CNTLN: variants seen among roughly 807,000 people sequenced by gnomAD.
CNTLN encodes the protein centlein.
A neutral mutation model predicts 180.0 loss-of-function variants in CNTLN; 212 were observed. The ratio of observed to expected loss-of-function variants is 1.18; its 90% CI spans 1.05 to 1.32. The LOEUF (loss-of-function observed/expected upper bound fraction) is 1.32, where lower values mean the gene tolerates loss of function less well. Ranked by LOEUF, CNTLN falls within the 40% of genes most tolerant of loss-of-function variation. CNTLN has a pLI of 0.00. For synonymous variants in CNTLN, 722 were observed against 563.1 expected (o/e 1.28, Z -3.99); for missense variants, 2,095 against 1,610.9 (o/e 1.30, Z -5.14).
chr9:17,408,791 ACT>A (rs1416930011), intron 15 of CNTLN, among the ~76,000 whole-genome samples: 1 of 106,594 alleles, frequency 9.4e-6, no homozygotes, highest in Non-Finnish European at 2.0e-5. Context: ...ACAGAGCGAG[ACT>A]CTGTCTTAAA....
chr9:17,151,360 G>A (rs74736775), intron 2 of CNTLN, among the ~76,000 whole-genome samples: 4 of 152,126 alleles, frequency 2.6e-5, no homozygotes, highest in African/African-American at 9.7e-5. Flanking sequence ...GCATGAATAG[G>A]TGTTGAATTT....
chr9:17,509,379 A>G, the CNTLN span, among the ~76,000 whole-genome samples: 2 of 152,198 alleles, frequency 1.3e-5, no homozygotes, highest in Non-Finnish European at 2.9e-5. Context: ...CCTTATTTGC[A>G]CAAAATGCTT....
chr9:17,194,015 A>C (rs1406256586), intron 2 of CNTLN, among the ~76,000 whole-genome samples: 1 of 151,960 alleles, frequency 6.6e-6, no homozygotes, highest in African/African-American at 2.4e-5. Flanking sequence ...CTTTACGTTG[A>C]CTCCTTTCAG....
intron 14 of CNTLN, among the ~76,000 whole-genome samples, chr9:17,391,485 G>A (rs1167074980): frequency 1.3e-5 from 2 of 152,224 alleles, no homozygotes; most frequent in Non-Finnish European, 2.9e-5. Flanking sequence ...TTCAATTTAA[G>A]GTACTTGGCA....
rs115220893 is a variant in CNTLN, at chr9:17,492,304, C to T, written c.4119+5238C>T. 3.1e-3 allele frequency among the ~76,000 whole-genome samples: 475 copies of T among 150,872 alleles called. 4 individuals are homozygous for T. The highest frequency in any genetic ancestry group is 0.011 in the African/African-American group (458 of 40,868). The stretch of plus-strand genomic sequence containing the variant: ...TTCTTTCTTATTTTATTGTTTTCTT[C>T]GTGTAGTTTTACCTCCTCTAATATA... On this transcript the variant is annotated intron_variant, in intron 25 of 25. Coordinates refer to ENST00000380647, the MANE Select transcript of CNTLN (RefSeq NM_017738.4).
chr9:17,347,968 G>A (rs1211824888), intron 12 of CNTLN, among the ~76,000 whole-genome samples: 2 of 151,868 alleles, frequency 1.3e-5, no homozygotes, highest in Non-Finnish European at 2.9e-5. Flanking sequence ...AGTAGCTGGG[G>A]CTATAGATGC....
intron 18 of CNTLN, among the ~76,000 whole-genome samples, chr9:17,443,380 G>GA (rs147425703): frequency 0.02 from 3,118 of 152,118 alleles, 105 homozygotes; most frequent in African/African-American, 0.071. Flanking sequence ...CAATTTAAAA[G>GA]AAAAATATTG....
At chr9:17,208,427 T>G (rs113677945) in intron 2 of CNTLN, among the ~76,000 whole-genome samples, 5 of 152,268 alleles carry the variant, frequency 3.3e-5, no homozygotes, top group African/African-American at 9.6e-5. Flanking sequence ...TGGCCAGTGG[T>G]TTCCTTTATT....
At chr9:17,368,876 C>T (rs561225256) in intron 13 of CNTLN, among the ~76,000 whole-genome samples, 1 of 152,156 alleles carries the variant, frequency 6.6e-6, no homozygotes, top group Admixed American at 6.5e-5. Flanking sequence ...CTGAATCAAT[C>T]CTACTGCCTT....
intron 23 of CNTLN, among the ~76,000 whole-genome samples, chr9:17,467,648 G>T (rs180803204): frequency 1.3e-3 from 193 of 151,726 alleles, no homozygotes; most frequent in Non-Finnish European, 2.1e-3. Flanking sequence ...GATCCTAAAT[G>T]ATTGCAAAGT....
chr9:17,416,530 A>G (rs1828268378), intron 18 of CNTLN, among the ~76,000 whole-genome samples: 1 of 152,142 alleles, frequency 6.6e-6, no homozygotes, highest in African/African-American at 2.4e-5. Context: ...CACATAGCTT[A>G]CCCGTTTGCC....
intron 7 of CNTLN, among the ~76,000 whole-genome samples, chr9:17,306,857 A>G (rs541734765): frequency 6.6e-6 from 1 of 152,302 alleles, no homozygotes; most frequent in Admixed American, 6.5e-5. Context: ...GTGGTTAAAT[A>G]TTCATTGAAA....
At chr9:17,155,655 G>C (rs761318600) in intron 2 of CNTLN, among the ~76,000 whole-genome samples, 1 of 152,158 alleles carries the variant, frequency 6.6e-6, no homozygotes, top group African/African-American at 2.4e-5. Flanking sequence ...TTGCTGCTGT[G>C]CTGGCAGCCA....
intron 7 of CNTLN, chr9:17,301,943 C>G: frequency 1.1e-6 from 1 of 930,932 alleles, no homozygotes; most frequent in Non-Finnish European, 1.3e-6. Flanking sequence ...TAACATATAA[C>G]TATTTTAGAT....
At chr9:17,379,601 T>C (rs1344457910) in intron 13 of CNTLN, among the ~76,000 whole-genome samples, 1 of 152,200 alleles carries the variant, frequency 6.6e-6, no homozygotes, top group Admixed American at 6.5e-5. Flanking sequence ...ATGCCCAGTA[T>C]CTAAAAACCA....
intron 15 of CNTLN, among the ~76,000 whole-genome samples, chr9:17,398,604 C>A (rs1309876853): frequency 6.6e-6 from 1 of 152,170 alleles, no homozygotes; most frequent in South Asian, 2.1e-4. Context: ...TTGGTTCCAA[C>A]TGATTTCAGC....
chr9:17,452,400 GCTA>G (rs1475705656), intron 18 of CNTLN, among the ~76,000 whole-genome samples: 1 of 152,154 alleles, frequency 6.6e-6, no homozygotes, highest in East Asian at 1.9e-4. Flanking sequence ...ATAGATCTAA[GCTA>G]GGACATTCAA....
At chr9:17,493,353 A>T (rs959929155) in intron 25 of CNTLN, among the ~76,000 whole-genome samples, 51 of 152,290 alleles carry the variant, frequency 3.3e-4, no homozygotes, top group African/African-American at 1.1e-3. Flanking sequence ...GGAGGCTCTT[A>T]TTAATATAAG....
In CNTLN at chr9:17,217,131, T is replaced by G. The variant is rs192907896; in HGVS notation, c.450-9072T>G. ...ATGCAGGAAGCTTAACCAAATAGTC[T>G]TTTAACTTTTATGAAGATTTTTAAA... On this transcript the variant is annotated intron_variant, in intron 2 of 25. Coordinates refer to ENST00000380647, the MANE Select transcript of CNTLN (RefSeq NM_017738.4). Among the ~76,000 whole-genome samples the G allele has an allele frequency of 5.1e-3, 773 of 152,338 alleles. 5 individuals are homozygous for G. Among genetic ancestry groups the G allele is most frequent in the Admixed American group, 8.0e-3 (122 of 15,304 alleles).
Sources: allele counts gnomAD v4.1 joint callset (sites outside exome capture counted in the v4.1 genomes callset), GRCh38; gene constraint gnomAD v4.1.1; transcripts MANE v1.5; gene names NCBI Gene and HGNC (gene_info 2026-07-23, HGNC 2026-07-21).